The following SHISA5 variants were observed in gnomAD, a reference collection of about 807,000 sequenced individuals.
The protein encoded by SHISA5 is shisa family member 5.
In SHISA5, 21 loss-of-function variants were observed where a neutral mutation model predicts 27.5. The observed-to-expected ratio is 0.76, with a 90% CI of 0.54 to 1.10. SHISA5 has a LOEUF of 1.10. Ranked by LOEUF, SHISA5 falls within the 50% of genes least tolerant of loss-of-function variation. SHISA5 has a pLI of 0.00. For missense variants in SHISA5, 314 were observed against 336.3 expected (o/e 0.93, Z 0.52); for synonymous variants, 137 against 142.2 (o/e 0.96, Z 0.26).
chr3:48,503,688 C>T, intron 1 of SHISA5: 2 of 1,141,778 alleles, frequency 1.8e-6, no homozygotes, highest in Non-Finnish European at 2.2e-6. Flanking sequence ...CCTGCAGCCA[C>T]CCGCCAGACT....
At chr3:48,499,082 CAAA>C (rs777373636) in intron 2 of SHISA5, among the ~76,000 whole-genome samples, 1 of 43,484 alleles carries the variant, frequency 2.3e-5, no homozygotes, top group Non-Finnish European at 4.9e-5. Flanking sequence ...AACTCCATCT[CAAA>C]AAAAAAAAAA....
intron 3 of SHISA5, among the ~76,000 whole-genome samples, chr3:48,478,817 C>T (rs1363412647): frequency 6.6e-6 from 1 of 152,066 alleles, no homozygotes; most frequent in Non-Finnish European, 1.5e-5. Flanking sequence ...AATATACCCG[C>T]CCCCATCTAC....
chr3:48,480,648 ACTC>A (rs1240976605), intron 2 of SHISA5, among the ~76,000 whole-genome samples: 1 of 152,080 alleles, frequency 6.6e-6, no homozygotes, highest in Non-Finnish European at 1.5e-5. Context: ...AATCCCAGTT[ACTC>A]GGGAGGCTGA....
chr3:48,497,718 C>T (rs573479437), intron 2 of SHISA5, among the ~76,000 whole-genome samples: 267 of 152,020 alleles, frequency 1.8e-3, no homozygotes, highest in Non-Finnish European at 3.0e-3. Context: ...GAGACCCTGT[C>T]TCTACAAAAA....
chr3:48,482,970 G>T (rs1365988392), intron 2 of SHISA5, among the ~76,000 whole-genome samples: 1 of 152,056 alleles, frequency 6.6e-6, no homozygotes, highest in African/African-American at 2.4e-5. Flanking sequence ...TGTCACCCAG[G>T]CTGGAATGCA....
chr3:48,486,931 A>G (rs2041267005), intron 2 of SHISA5, among the ~76,000 whole-genome samples: 1 of 150,734 alleles, frequency 6.6e-6, no homozygotes, highest in Admixed American at 6.7e-5. Flanking sequence ...AAAAAAAAAA[A>G]AAAGAAAGAA....
chr3:48,479,297 C>T (rs769667639), intron 2 of SHISA5, 40 bp from the exon 3 acceptor site: 1 of 1,563,202 alleles, frequency 6.4e-7, no homozygotes, highest in Non-Finnish European at 8.6e-7. Context: ...AATGAAGCCC[C>T]ACCGAGCGCC....
intron 3 of SHISA5, 51 bp downstream of exon 3, chr3:48,479,126 C>G: frequency 6.5e-7 from 1 of 1,534,410 alleles, no homozygotes; most frequent in East Asian, 2.4e-5. Flanking sequence ...CCCCTGAGCC[C>G]TCTTGTCACC....
chr3:48,473,570 C>T lies in SHISA5; in HGVS notation c.315-3727G>A. 3.9e-6 allele frequency: 5 copies of T among 1,265,980 alleles called. No individual in the cohort carries two copies. The highest frequency in any genetic ancestry group is 5.1e-6 in the Non-Finnish European group (5 of 975,430). 78.4% of individuals were successfully genotyped at this position (1,265,980 alleles called of 1,614,324 possible). A position where few individuals can be genotyped will look rare whatever the true frequency, so the allele number is the denominator to read the frequency against. Reference sequence around the variant, plus strand: ...TTTAGCTCCTCCTCTCCCACCAGCACTCTCTCCAATCTGTCTCCCCATGTT... The same window carrying T: ...TTTAGCTCCTCCTCTCCCACCAGCATTCTCTCCAATCTGTCTCCCCATGTT... On this transcript the variant is annotated intron_variant, in intron 3 of 5. Coordinates refer to ENST00000296444, the MANE Select transcript of SHISA5 (RefSeq NM_016479.6). The surrounding 1 kb of genome is among the most constrained non-coding windows in gnomAD (Gnocchi z 4.3).
At chr3:48,489,355 T>C (rs932453023) in intron 2 of SHISA5, among the ~76,000 whole-genome samples, 4 of 152,048 alleles carry the variant, frequency 2.6e-5, no homozygotes, top group Non-Finnish European at 4.4e-5. Context: ...AGAGTCTCAC[T>C]CTGTCACCCA....
chr3:48,468,412 G>C lies in SHISA5; in HGVS notation c.*695C>G. On this transcript the variant is annotated 3_prime_UTR_variant, in exon 6 of 6. Coordinates refer to ENST00000296444, the MANE Select transcript of SHISA5 (RefSeq NM_016479.6). ...ATGTGGCCCTCCAGCTGGTCCCAGG[G>C]GAGATGCGGGGACAGGGGACAGTCC... 2 of 1,113,998 alleles carry C rather than the reference G, an allele frequency of 1.8e-6. No homozygotes were observed. The highest frequency in any genetic ancestry group is 1.1e-6 in the Non-Finnish European group (1 of 904,128). The allele number at this position is 1,113,998 out of a possible 1,614,324, so 69.0% of individuals were successfully genotyped here.
intron 2 of SHISA5, among the ~76,000 whole-genome samples, chr3:48,482,452 G>A (rs1037165972): frequency 1.3e-5 from 2 of 152,120 alleles, no homozygotes; most frequent in African/African-American, 2.4e-5. Flanking sequence ...TTTGGATTCC[G>A]ATTTGGACAA....
At chr3:48,486,501 T>TA (rs1478227693) in intron 2 of SHISA5, among the ~76,000 whole-genome samples, 4 of 114,846 alleles carry the variant, frequency 3.5e-5, no homozygotes, top group African/African-American at 1.4e-4. Flanking sequence ...TATATATTTA[T>TA]AATTATATAA....
At position 48,469,758 on chromosome 3, in the gene SHISA5, A is replaced by G. The variant is rs1279961009; in HGVS notation, c.400T>C (p.Cys134Arg). The G allele has an allele frequency of 6.2e-7, 1 of 1,614,012 alleles. No homozygotes were observed. Among genetic ancestry groups the G allele is most frequent in the African/African-American group, 1.3e-5 (1 of 74,924 alleles). ...GGTCGGCGGCACGTCTTGTAAAGGC[A>G]GCAGCAGGAGCAGGTGAAGCAGATG... ...IIICFTCSCCCLYKTCRRPRP... is the reference protein window; with the variant it reads ...IIICFTCSCCRLYKTCRRPRP... Residue 134 changes from cysteine to arginine, a missense_variant, in exon 4 of 6, where the codon TGC becomes CGC. Cys to Arg is a radical substitution (Grantham distance 180). Transcript: ENST00000296444. This position sits in a 1 kb window ranked among gnomAD's most constrained non-coding sequence, Gnocchi z 4.6.
chr3:48,497,452 G>A lies in SHISA5; in HGVS notation c.233+3685C>T, dbSNP rs561506326. On this transcript the variant is annotated intron_variant, in intron 2 of 5. Coordinates refer to ENST00000296444, the MANE Select transcript of SHISA5 (RefSeq NM_016479.6). ...TAATTTTTGTATTTTTAGTAGAGAT[G>A]GGGTTTCCCCATCTTGGCCAGGCAG... Among the ~76,000 whole-genome samples the A allele has an allele frequency of 6.0e-5, 9 of 150,558 alleles. No individual in the cohort carries two copies. In the South Asian group the frequency reaches 1.7e-3, roughly 29 times the overall value.
intron 2 of SHISA5, among the ~76,000 whole-genome samples, chr3:48,499,069 C>T (rs1265047841): frequency 1.6e-5 from 2 of 125,762 alleles, no homozygotes; most frequent in Admixed American, 8.8e-5. Context: ...GCAACAAGAA[C>T]GAAACTCCAT....
chr3:48,497,271 T>G (rs1415813509), intron 2 of SHISA5, among the ~76,000 whole-genome samples: 3 of 148,016 alleles, frequency 2.0e-5, no homozygotes, highest in Admixed American at 6.7e-5. Context: ...AGTTTTTTTT[T>G]TTTTTTTTTT....
At chr3:48,483,554 C>G (rs1161818483) in intron 2 of SHISA5, among the ~76,000 whole-genome samples, 1 of 152,174 alleles carries the variant, frequency 6.6e-6, no homozygotes, top group Non-Finnish European at 1.5e-5. Context: ...CCTTTTCTAT[C>G]CCACAAAACC....
intron 3 of SHISA5, among the ~76,000 whole-genome samples, chr3:48,471,158 G>A (rs957898116): frequency 1.3e-5 from 2 of 152,032 alleles, no homozygotes; most frequent in African/African-American, 4.8e-5. Context: ...CTCCCCAGTA[G>A]CTGGAACCAC....
Sources: gnomAD v4.1 joint callset for allele counts (sites outside exome capture counted in the v4.1 genomes callset) on GRCh38, gnomAD v4.1.1 for gene constraint, Gnocchi (gnomAD v3.1) non-coding constraint, MANE v1.5 for transcripts, NCBI Gene and HGNC (gene_info 2026-07-23, HGNC 2026-07-21) for gene names.